NTNG1: variants seen among roughly 807,000 people sequenced by gnomAD.
NTNG1 encodes the protein netrin G1.
A neutral mutation model predicts 54.0 loss-of-function variants in NTNG1; 16 were observed. That is an observed-to-expected ratio of 0.30 (90% confidence interval 0.20 to 0.45). NTNG1 has a LOEUF of 0.45. NTNG1 is among the 20% of genes least tolerant of loss of function. NTNG1 has a pLI of 1.00. For synonymous variants in NTNG1, 255 were observed against 263.1 expected (o/e 0.97, Z 0.30); for missense variants, 530 against 678.7 (o/e 0.78, Z 2.43).
intron 7 of NTNG1, among the ~76,000 whole-genome samples, chr1:107,460,900 G>A (rs528912360): frequency 1.3e-4 from 20 of 152,232 alleles, no homozygotes; most frequent in Non-Finnish European, 2.8e-4. Context: ...AGTTGTCATC[G>A]GGTCTTAGAG....
At chr1:107,387,185 T>C (rs1672058941) in intron 3 of NTNG1, among the ~76,000 whole-genome samples, 1 of 152,198 alleles carries the variant, frequency 6.6e-6, no homozygotes, top group Admixed American at 6.5e-5. Context: ...CATTTTGATA[T>C]AGTTAAATTG....
intron 2 of NTNG1, among the ~76,000 whole-genome samples, chr1:107,317,806 A>G (rs1031192805): frequency 1.3e-5 from 2 of 152,208 alleles, no homozygotes; most frequent in Admixed American, 6.5e-5. Context: ...TGCAACTTCA[A>G]TCAGGCCCTA....
At chr1:107,418,748 A>C in intron 5 of NTNG1, 1 of 646,814 alleles carries the variant, frequency 1.5e-6, no homozygotes. Flanking sequence ...CATGAATGCT[A>C]TGTCTTTGAA....
At chr1:107,416,714 T>G (rs1035084476) in intron 5 of NTNG1, among the ~76,000 whole-genome samples, 3 of 152,068 alleles carry the variant, frequency 2.0e-5, no homozygotes, top group Non-Finnish European at 4.4e-5. Context: ...TATCTTTACT[T>G]AAATTTCTTG....
chr1:107,458,954 A>G (rs1424409814), intron 7 of NTNG1, among the ~76,000 whole-genome samples: 1 of 152,172 alleles, frequency 6.6e-6, no homozygotes, highest in Non-Finnish European at 1.5e-5. Flanking sequence ...ACAATCTCAG[A>G]AGGGATCAAA....
intron 7 of NTNG1, among the ~76,000 whole-genome samples, chr1:107,439,788 T>C (rs1307650605): frequency 6.6e-6 from 1 of 152,028 alleles, no homozygotes; most frequent in Non-Finnish European, 1.5e-5. Flanking sequence ...GGGTAACACG[T>C]GTCACAGTAG....
chr1:107,475,305 A>C (rs138189316), intron 7 of NTNG1, among the ~76,000 whole-genome samples: 4 of 152,304 alleles, frequency 2.6e-5, no homozygotes, highest in Non-Finnish European at 5.9e-5. Flanking sequence ...AAGAGCAGTA[A>C]TCTATAAATT....
In NTNG1 at chr1:107,469,236, A is replaced by C. The variant is rs12354113; in HGVS notation, c.1391-11375A>C. Reference sequence around the variant, plus strand: ...GAAGAATGACTTAATACAAGTCACCATTCTCTTCCTGTTCATGCTTCCATT... The same window carrying C: ...GAAGAATGACTTAATACAAGTCACCCTTCTCTTCCTGTTCATGCTTCCATT... On this transcript the variant is annotated intron_variant, in intron 7 of 7. Transcript: ENST00000370068. Among the ~76,000 whole-genome samples the C allele has an allele frequency of 1.6e-3, 250 of 152,176 alleles. 4 individuals carry two copies. The East Asian group carries it at 0.036, about 22-fold the overall frequency.
intron 3 of NTNG1, among the ~76,000 whole-genome samples, chr1:107,393,209 A>G (rs1672472629): frequency 6.6e-6 from 1 of 152,190 alleles, no homozygotes; most frequent in Non-Finnish European, 1.5e-5. Flanking sequence ...GGAAACCAGC[A>G]TATTCTTTGG....
At chr1:107,187,299 A>G (rs1465559676) in intron 2 of NTNG1, among the ~76,000 whole-genome samples, 1 of 152,146 alleles carries the variant, frequency 6.6e-6, no homozygotes, top group Non-Finnish European at 1.5e-5. Context: ...TAGGTACTCA[A>G]TAAGTAATTG....
intron 2 of NTNG1, among the ~76,000 whole-genome samples, chr1:107,296,308 T>C (rs556200063): frequency 6.6e-6 from 1 of 152,116 alleles, no homozygotes; most frequent in South Asian, 2.1e-4. Flanking sequence ...GTGGAAGGAA[T>C]CATAGGTCAA....
chr1:107,346,000 C>G (rs1158436535), intron 3 of NTNG1, among the ~76,000 whole-genome samples: 3 of 152,124 alleles, frequency 2.0e-5, no homozygotes, highest in African/African-American at 4.8e-5. Context: ...TTACATCAAC[C>G]AGCAACACAC....
intron 7 of NTNG1, among the ~76,000 whole-genome samples, chr1:107,461,629 G>A (rs1440828586): frequency 6.6e-5 from 10 of 151,752 alleles, no homozygotes; most frequent in Admixed American, 6.6e-4. Flanking sequence ...TGCCTCCCGG[G>A]TTCAAGCGAT....
At chr1:107,372,115 A>G (rs181367580) in intron 3 of NTNG1, among the ~76,000 whole-genome samples, 1 of 151,996 alleles carries the variant, frequency 6.6e-6, no homozygotes, top group Non-Finnish European at 1.5e-5. Context: ...TATCTTCTCT[A>G]AAAACTATCT....
chr1:107,254,322 A>G (rs1259906945), intron 2 of NTNG1, among the ~76,000 whole-genome samples: 2 of 152,252 alleles, frequency 1.3e-5, no homozygotes, highest in East Asian at 1.9e-4. Flanking sequence ...ATTGAGGTGA[A>G]TAAGCACTTA....
chr1:107,338,553 A>G (rs1488837385), intron 3 of NTNG1, among the ~76,000 whole-genome samples: 2 of 151,962 alleles, frequency 1.3e-5, no homozygotes, highest in African/African-American at 4.8e-5. Flanking sequence ...TACCCAGGCA[A>G]GCACCTAGGA....
chr1:107,456,969 G>A (rs1364861086), intron 7 of NTNG1, among the ~76,000 whole-genome samples: 2 of 152,202 alleles, frequency 1.3e-5, no homozygotes, highest in Non-Finnish European at 1.5e-5. Context: ...TTCTTCTGCA[G>A]AAATGAAGCA....
chr1:107,463,313 A>G (rs1271475624), intron 7 of NTNG1, among the ~76,000 whole-genome samples: 3 of 152,218 alleles, frequency 2.0e-5, no homozygotes, highest in Admixed American at 1.3e-4. Context: ...AATCTTTCCC[A>G]TTATTCTCAC....
chr1:107,473,544 G>A (rs1285358469), intron 7 of NTNG1, among the ~76,000 whole-genome samples: 1 of 152,160 alleles, frequency 6.6e-6, no homozygotes, highest in African/African-American at 2.4e-5. Flanking sequence ...ACAGTAGATT[G>A]CAGTTTGAGA....
Sources: gnomAD v4.1 joint callset for allele counts (sites outside exome capture counted in the v4.1 genomes callset) on GRCh38, gnomAD v4.1.1 for gene constraint, MANE v1.5 for transcripts, NCBI Gene and HGNC (gene_info 2026-07-23, HGNC 2026-07-21) for gene names.